The following CSMD1 variants were observed in gnomAD, a reference collection of about 807,000 sequenced individuals.
The protein encoded by CSMD1 is CUB and sushi domain-containing protein 1.
CSMD1 carries 213 observed loss-of-function variants against 417.5 expected under a neutral mutation model. The ratio of observed to expected loss-of-function variants is 0.51; its 90% CI spans 0.46 to 0.57. The LOEUF (loss-of-function observed/expected upper bound fraction) is 0.57, where lower values mean the gene tolerates loss of function less well. CSMD1 is among the 20% of genes least tolerant of loss of function. The probability of loss-of-function intolerance (pLI) is 0.00; values close to 1 mark genes in which losing one functional copy is unlikely to be tolerated. For synonymous variants in CSMD1, 2,862 were observed against 1,736.8 expected (o/e 1.65, Z -16.11); for missense variants, 6,923 against 4,529.7 (o/e 1.53, Z -15.17).
At chr8:4,030,674 C>T (rs1797296680) in intron 4 of CSMD1, among the ~76,000 whole-genome samples, 2 of 152,200 alleles carry the variant, frequency 1.3e-5, no homozygotes, top group Non-Finnish European at 1.5e-5. Flanking sequence ...TAACTTTTGG[C>T]TTCTTGTTAC....
At chr8:4,881,291 C>T (rs149875523) in intron 1 of CSMD1, among the ~76,000 whole-genome samples, 1 of 152,064 alleles carries the variant, frequency 6.6e-6, no homozygotes, top group Non-Finnish European at 1.5e-5. Flanking sequence ...GTGCCCTCTA[C>T]AAGGATAGTG....
intron 5 of CSMD1, among the ~76,000 whole-genome samples, chr8:3,846,385 T>C (rs1026464510): frequency 5.9e-5 from 9 of 152,080 alleles, no homozygotes; most frequent in African/African-American, 2.2e-4. Context: ...TGCATGACTC[T>C]ACATGTGAAA....
intron 5 of CSMD1, among the ~76,000 whole-genome samples, chr8:3,931,749 G>A (rs1185903850): frequency 6.7e-6 from 1 of 148,780 alleles, no homozygotes; most frequent in Non-Finnish European, 1.5e-5. Flanking sequence ...CCACACCAGA[G>A]GAAACAAGGT....
intron 49 of CSMD1, among the ~76,000 whole-genome samples, chr8:3,053,519 T>C (rs898847171): frequency 6.6e-6 from 1 of 152,244 alleles, no homozygotes; most frequent in East Asian, 1.9e-4. Context: ...AAGGAATTGA[T>C]AGAGGAGGCA....
intron 3 of CSMD1, among the ~76,000 whole-genome samples, chr8:4,087,488 T>C (rs1020205459): frequency 1.3e-5 from 2 of 152,210 alleles, no homozygotes; most frequent in African/African-American, 2.4e-5. Context: ...AAACCACCTG[T>C]AATGAAACCT....
At chr8:4,028,318 T>C (rs1022920522) in intron 4 of CSMD1, among the ~76,000 whole-genome samples, 1 of 152,120 alleles carries the variant, frequency 6.6e-6, no homozygotes, top group African/African-American at 2.4e-5. Context: ...ACCTATAATA[T>C]GAATCTTTAA....
intron 23 of CSMD1, among the ~76,000 whole-genome samples, chr8:3,340,245 T>C (rs1342849002): frequency 6.6e-6 from 1 of 152,166 alleles, no homozygotes; most frequent in African/African-American, 2.4e-5. Context: ...CGGTTTTTAA[T>C]TCATAAAGAA....
chr8:4,767,076 G>T (rs563159753), intron 1 of CSMD1, among the ~76,000 whole-genome samples: 1 of 152,230 alleles, frequency 6.6e-6, no homozygotes, highest in South Asian at 2.1e-4. Context: ...GTTATCTAAA[G>T]TACAAATCCT....
chr8:4,498,191 A>G (rs1007361076), intron 2 of CSMD1, among the ~76,000 whole-genome samples: 1 of 152,138 alleles, frequency 6.6e-6, no homozygotes, highest in African/African-American at 2.4e-5. Flanking sequence ...ATGCTAACCC[A>G]ATGCTTAGCA....
intron 1 of CSMD1, among the ~76,000 whole-genome samples, chr8:4,747,223 G>C (rs964280111): frequency 6.6e-6 from 1 of 152,180 alleles, no homozygotes; most frequent in African/African-American, 2.4e-5. Flanking sequence ...CTTCAGTAAT[G>C]AACACAGCAT....
intron 1 of CSMD1, among the ~76,000 whole-genome samples, chr8:4,706,041 T>G (rs1295924468): frequency 7.4e-6 from 1 of 135,712 alleles, no homozygotes; most frequent in Non-Finnish European, 1.7e-5. Context: ...ATTTAAAATA[T>G]GTAATTTTTT....
chr8:4,886,790 T>C (rs948322105), intron 1 of CSMD1, among the ~76,000 whole-genome samples: 1 of 152,090 alleles, frequency 6.6e-6, no homozygotes, highest in Admixed American at 6.5e-5. Flanking sequence ...CATAAATTTA[T>C]TCTTAAAATA....
At chr8:4,200,602 A>C (rs564977842) in intron 3 of CSMD1, among the ~76,000 whole-genome samples, 1 of 152,298 alleles carries the variant, frequency 6.6e-6, no homozygotes, top group African/African-American at 2.4e-5. Context: ...CATGCCTGAA[A>C]TCCCAGCACT....
rs570446001 is a variant in CSMD1 at position 4,371,295 on chromosome 8, G to T, written c.415+48658C>A. Among the ~76,000 whole-genome samples, 285 of 152,196 alleles carry T rather than the reference G, an allele frequency of 1.9e-3. 2 individuals are homozygous for T. Among genetic ancestry groups the T allele is most frequent in the Admixed American group, 7.7e-3 (118 of 15,294 alleles). On this transcript the variant is annotated intron_variant, in intron 3 of 69. Coordinates refer to ENST00000635120, the MANE Select transcript of CSMD1 (RefSeq NM_033225.6). Reference sequence around the variant, plus strand: ...TTGAGGATGCGCCTCTGCTGGGCTGGAGAGGCCAAGATACTCACAGACTAC... The same window carrying T: ...TTGAGGATGCGCCTCTGCTGGGCTGTAGAGGCCAAGATACTCACAGACTAC...
chr8:4,493,477 C>T, intron 2 of CSMD1, among the ~76,000 whole-genome samples: 1 of 152,194 alleles, frequency 6.6e-6, no homozygotes, highest in South Asian at 2.1e-4. Context: ...AAGAGGATTG[C>T]TTGAGTCCAG....
At chr8:4,513,796 G>A (rs1461981760) in intron 2 of CSMD1, among the ~76,000 whole-genome samples, 1 of 152,178 alleles carries the variant, frequency 6.6e-6, no homozygotes, top group Non-Finnish European at 1.5e-5. Flanking sequence ...TACAGCTGGG[G>A]AATATTACTT....
At chr8:3,094,102 A>AT (rs35728202) in intron 47 of CSMD1, among the ~76,000 whole-genome samples, 3 of 150,188 alleles carry the variant, frequency 2.0e-5, no homozygotes, top group South Asian at 2.1e-4. Context: ...ATTTTATTTT[A>AT]TTTTTTATTT....
chr8:3,681,541 G>T (rs1247381692), intron 7 of CSMD1, among the ~76,000 whole-genome samples: 1 of 152,210 alleles, frequency 6.6e-6, no homozygotes, highest in South Asian at 2.1e-4. Flanking sequence ...AATAAAAGAG[G>T]ATACAAACAA....
chr8:4,776,705 G>C (rs879434519), intron 1 of CSMD1, among the ~76,000 whole-genome samples: 12 of 152,136 alleles, frequency 7.9e-5, no homozygotes, highest in Admixed American at 7.9e-4. Context: ...ACACTGGCTT[G>C]ATTCCAATTT....
Sources: gnomAD v4.1 joint callset for allele counts (sites outside exome capture counted in the v4.1 genomes callset) on GRCh38, gnomAD v4.1.1 for gene constraint, MANE v1.5 for transcripts, NCBI Gene and HGNC (gene_info 2026-07-23, HGNC 2026-07-21) for gene names.